TMPRSS15: variants seen among roughly 807,000 people sequenced by gnomAD.
TMPRSS15 encodes the protein enteropeptidase.
A neutral mutation model predicts 125.3 loss-of-function variants in TMPRSS15; 128 were observed. The observed-to-expected ratio is 1.02, with a 90% confidence interval of 0.89 to 1.18. The LOEUF (loss-of-function observed/expected upper bound fraction) is 1.18, where lower values mean the gene tolerates loss of function less well. Among genes scored for constraint, TMPRSS15 ranks in the 50% most tolerant of loss-of-function variants. The pLI is 0.00. For missense variants in TMPRSS15, 1,283 were observed against 1,212.7 expected, an observed-to-expected ratio of 1.06 and a Z score of -0.86; for synonymous variants, 446 against 423.2, an observed-to-expected ratio of 1.05 and a Z score of -0.66.
chr21:18,405,063 A>G (rs999957697), upstream of TMPRSS15, among the ~76,000 whole-genome samples: 8 of 152,144 alleles, frequency 5.3e-5, no homozygotes, highest in Non-Finnish European at 7.4e-5. Context: ...TTGGAAAGCC[A>G]AAGTGAAAGC....
intron 1 of TMPRSS15, among the ~76,000 whole-genome samples, chr21:18,429,326 C>A (rs573549324): frequency 2.0e-5 from 3 of 152,010 alleles, no homozygotes; most frequent in Non-Finnish European, 4.4e-5. Flanking sequence ...TGAGCTAAGA[C>A]TTTGGGGGAC....
At chr21:18,418,450 C>T (rs1310915414) in intron 1 of TMPRSS15, among the ~76,000 whole-genome samples, 1 of 152,254 alleles carries the variant, frequency 6.6e-6, no homozygotes, top group African/African-American at 2.4e-5. Flanking sequence ...TATCTGTGTG[C>T]GAATGGTGTT....
chr21:18,349,426 C>T (rs1354064887), intron 10 of TMPRSS15, among the ~76,000 whole-genome samples: 1 of 152,178 alleles, frequency 6.6e-6, no homozygotes, highest in Non-Finnish European at 1.5e-5. Flanking sequence ...CTTAGGTGTT[C>T]TTACCTAAAG....
chr21:18,295,021 T>C (rs2074885881), intron 19 of TMPRSS15, among the ~76,000 whole-genome samples: 1 of 152,204 alleles, frequency 6.6e-6, no homozygotes, highest in African/African-American at 2.4e-5. Context: ...AAATGATAGA[T>C]ATTGTTATGT....
intron 18 of TMPRSS15, among the ~76,000 whole-genome samples, chr21:18,306,439 C>T (rs2075040276): frequency 6.6e-6 from 1 of 152,172 alleles, no homozygotes; most frequent in Non-Finnish European, 1.5e-5. Flanking sequence ...ATTTTCAAAA[C>T]ACCGCTGCAA....
intron 1 of TMPRSS15, among the ~76,000 whole-genome samples, chr21:18,412,238 G>C (rs1479997774): frequency 6.6e-6 from 1 of 152,142 alleles, no homozygotes; most frequent in East Asian, 1.9e-4. Context: ...TATTGAAAGA[G>C]AGTGAGCCTA....
intron 1 of TMPRSS15, among the ~76,000 whole-genome samples, chr21:18,453,527 G>A (rs1011962127): frequency 4.6e-5 from 7 of 152,190 alleles, no homozygotes; most frequent in African/African-American, 1.7e-4. Context: ...AGTCAATGAT[G>A]CAGTTCACAT....
intron 1 of TMPRSS15, among the ~76,000 whole-genome samples, chr21:18,479,205 G>A (rs1251278807): frequency 6.6e-6 from 1 of 151,866 alleles, no homozygotes; most frequent in Non-Finnish European, 1.5e-5. Context: ...ACTTTCATAT[G>A]TCCATGGCCC....
intron 1 of TMPRSS15, among the ~76,000 whole-genome samples, chr21:18,454,389 C>A (rs1468525778): frequency 6.6e-6 from 1 of 152,008 alleles, no homozygotes; most frequent in East Asian, 1.9e-4. Context: ...AGTTAGGGTT[C>A]TGCAGAGAAG....
chr21:18,271,567 T>G (rs954683691), intron 24 of TMPRSS15, among the ~76,000 whole-genome samples: 4 of 152,190 alleles, frequency 2.6e-5, no homozygotes, highest in African/African-American at 9.7e-5. Flanking sequence ...TTTAGTTATG[T>G]AACTTCTCCT....
intron 18 of TMPRSS15, among the ~76,000 whole-genome samples, chr21:18,300,364 T>A (rs1272165027): frequency 6.6e-6 from 1 of 151,336 alleles, no homozygotes; most frequent in Admixed American, 6.6e-5. Context: ...CTCTTTTTTT[T>A]TTTTGGATAC....
intron 1 of TMPRSS15, among the ~76,000 whole-genome samples, chr21:18,447,780 C>T (rs1383648311): frequency 6.6e-6 from 1 of 152,064 alleles, no homozygotes; most frequent in Non-Finnish European, 1.5e-5. Flanking sequence ...TGAGGCCTCC[C>T]TAGCCTTGTT....
chr21:18,474,792 G>A (rs904693723), intron 1 of TMPRSS15, among the ~76,000 whole-genome samples: 3 of 152,146 alleles, frequency 2.0e-5, no homozygotes, highest in African/African-American at 7.2e-5. Flanking sequence ...TCATAGAAAA[G>A]GCGGTCAGAT....
intron 13 of TMPRSS15, among the ~76,000 whole-genome samples, chr21:18,339,858 T>A (rs2075429773): frequency 6.6e-6 from 1 of 152,210 alleles, no homozygotes; most frequent in African/African-American, 2.4e-5. Context: ...ATAATTTGAA[T>A]GGTAATGGGT....
chr21:18,453,606 A>T (rs1978382845), intron 1 of TMPRSS15, among the ~76,000 whole-genome samples: 2 of 152,192 alleles, frequency 1.3e-5, no homozygotes, highest in African/African-American at 4.8e-5. Context: ...CCCTCAAAAA[A>T]TTAAAAATAG....
intron 10 of TMPRSS15, among the ~76,000 whole-genome samples, chr21:18,348,440 C>T (rs2075531970): frequency 6.6e-6 from 1 of 152,078 alleles, no homozygotes; most frequent in African/African-American, 2.4e-5. Context: ...CTAGAAATCC[C>T]TCTCAAGAAG....
intron 1 of TMPRSS15, among the ~76,000 whole-genome samples, chr21:18,440,201 C>T (rs1166681073): frequency 1.3e-5 from 2 of 150,966 alleles, no homozygotes; most frequent in Non-Finnish European, 1.5e-5. Context: ...GGTGAAACCT[C>T]GTCTCTACTA....
chr21:18,385,658 G>A (rs780020925), intron 3 of TMPRSS15, among the ~76,000 whole-genome samples: 2 of 152,156 alleles, frequency 1.3e-5, no homozygotes, highest in Non-Finnish European at 2.9e-5. Context: ...AAGAAGGAAA[G>A]TACCCAAAGC....
chr21:18,397,731 T>C, intron 3 of TMPRSS15, 148 bp downstream of exon 3: 1 of 516,218 alleles, frequency 1.9e-6, no homozygotes, highest in South Asian at 2.8e-5. Flanking sequence ...AAAATGAAAG[T>C]TTATGCTGTG....
Sources: gnomAD v4.1 joint callset for allele counts (sites outside exome capture counted in the v4.1 genomes callset) on GRCh38, gnomAD v4.1.1 for gene constraint, MANE v1.5 for transcripts, NCBI Gene and HGNC (gene_info 2026-07-23, HGNC 2026-07-21) for gene names.